ALK: variants seen among roughly 807,000 people sequenced by gnomAD.
The protein encoded by ALK is ALK receptor tyrosine kinase.
A neutral mutation model predicts 163.1 loss-of-function variants in ALK; 74 were observed. The observed-to-expected ratio is 0.45, with a 90% CI of 0.38 to 0.55. The LOEUF (loss-of-function observed/expected upper bound fraction) is 0.55. Ranked by LOEUF, ALK falls within the 20% of genes least tolerant of loss-of-function variation. The pLI is 0.00. For synonymous variants in ALK, 960 were observed against 843.2 expected (o/e 1.14, Z -2.40); for missense variants, 2,063 against 2,105.3 (o/e 0.98, Z 0.39).
At chr2:29,367,953 G>A (rs987071111) in intron 5 of ALK, among the ~76,000 whole-genome samples, 2 of 152,094 alleles carry the variant, frequency 1.3e-5, no homozygotes, top group East Asian at 3.8e-4. Flanking sequence ...ACTCAGCTTT[G>A]TGTTTATAGT....
At chr2:29,914,040 C>A (rs1261430113) in intron 1 of ALK, among the ~76,000 whole-genome samples, 1 of 152,176 alleles carries the variant, frequency 6.6e-6, no homozygotes, top group African/African-American at 2.4e-5. Flanking sequence ...TCCATCTTAA[C>A]TTTCATATTT....
intron 4 of ALK, among the ~76,000 whole-genome samples, chr2:29,409,000 C>A (rs1398235913): frequency 6.6e-6 from 1 of 152,234 alleles, no homozygotes; most frequent in African/African-American, 2.4e-5. Flanking sequence ...TCTCAATCCA[C>A]ACCTATCTCT....
intron 1 of ALK, among the ~76,000 whole-genome samples, chr2:29,776,417 TGGCAGACGATAGTTTGAAAACAGC>T (rs1411531747): frequency 0.019 from 457 of 24,244 alleles, 3 homozygotes; most frequent in Admixed American, 0.031. Context: ...CAAGAAACAG[TGGCAGACGATAGTTTGAAAACAGC>T]CTTTGGGAGG....
At position 29,222,406 on chromosome 2, in the gene ALK, CG is replaced by C; in HGVS notation, c.3452del (p.Thr1151SerfsTer19). The C allele has an allele frequency of 6.2e-7, 1 of 1,613,754 alleles. No homozygotes were observed. The highest frequency in any genetic ancestry group is 8.5e-7 in the Non-Finnish European group (1 of 1,179,878). ...CCTGTTCAGAGCACACTTCAGGCAG[CG>C]TCTGGGCAGAGAAGGGGAGGGTGGG... ...DPSPLQVAVK[T>X]LPEVCSEQDE... is the part of the protein sequence containing the mutation. On this transcript the variant is annotated frameshift_variant and splice_region_variant, in exon 22 of 29. Coordinates refer to ENST00000389048, the MANE Select transcript of ALK (RefSeq NM_004304.5). LOFTEE classifies it high-confidence loss of function.
chr2:29,585,492 ATTT>A (rs900176965), intron 3 of ALK, among the ~76,000 whole-genome samples: 1 of 151,830 alleles, frequency 6.6e-6, no homozygotes, highest in Non-Finnish European at 1.5e-5. Flanking sequence ...ACACCTGGCT[ATTT>A]TTTTATATTT....
intron 2 of ALK, among the ~76,000 whole-genome samples, chr2:29,714,019 T>A (rs894528456): frequency 6.6e-6 from 1 of 152,100 alleles, no homozygotes; most frequent in Admixed American, 6.5e-5. Flanking sequence ...TGATCAAAAC[T>A]GCCTTTCAAA....
At chr2:29,570,162 T>C (rs1674318045) in intron 3 of ALK, among the ~76,000 whole-genome samples, 1 of 152,206 alleles carries the variant, frequency 6.6e-6, no homozygotes, top group Admixed American at 6.5e-5. Context: ...TAGGGCATGC[T>C]AAGAGCTGCA....
chr2:29,905,037 G>T (rs1667503153), intron 1 of ALK, among the ~76,000 whole-genome samples: 11 of 152,168 alleles, frequency 7.2e-5, no homozygotes, highest in Admixed American at 7.2e-4. Flanking sequence ...AAAATACTTT[G>T]CATCTGATAA....
At chr2:29,270,888 C>A (rs1276135244) in intron 11 of ALK, among the ~76,000 whole-genome samples, 1 of 152,218 alleles carries the variant, frequency 6.6e-6, no homozygotes, top group Non-Finnish European at 1.5e-5. Context: ...GGACCTCCCA[C>A]CTTCAAGGCT....
intron 4 of ALK, among the ~76,000 whole-genome samples, chr2:29,410,777 G>A (rs1669707504): frequency 6.6e-6 from 1 of 152,208 alleles, no homozygotes; most frequent in African/African-American, 2.4e-5. Context: ...TTGGAGGAGT[G>A]GAAGTTGGTG....
chr2:29,606,320 A>G (rs1675541058), intron 3 of ALK, among the ~76,000 whole-genome samples: 1 of 152,212 alleles, frequency 6.6e-6, no homozygotes, highest in Admixed American at 6.5e-5. Context: ...AAACAGTTTT[A>G]TAAAAATGGC....
chr2:29,448,123 TACTG>T (rs1297778615), intron 4 of ALK, among the ~76,000 whole-genome samples: 15 of 152,212 alleles, frequency 9.9e-5, no homozygotes, highest in Non-Finnish European at 2.2e-4. Context: ...AGCTATACCA[TACTG>T]ACTTTTTTTC....
At chr2:29,861,394 A>C (rs1666287175) in intron 1 of ALK, among the ~76,000 whole-genome samples, 1 of 152,212 alleles carries the variant, frequency 6.6e-6, no homozygotes, top group South Asian at 2.1e-4. Flanking sequence ...GAATCAACAG[A>C]TCTTTACTAT....
chr2:29,750,081 C>T (rs1177355492), intron 1 of ALK, among the ~76,000 whole-genome samples: 3 of 152,226 alleles, frequency 2.0e-5, no homozygotes, highest in African/African-American at 7.2e-5. Flanking sequence ...ACAGACAGCA[C>T]ATCCGCCGAG....
At chr2:29,427,821 T>TA (rs1670182728) in intron 4 of ALK, among the ~76,000 whole-genome samples, 3 of 152,148 alleles carry the variant, frequency 2.0e-5, no homozygotes, top group South Asian at 2.1e-4. Context: ...CAGGTATGAA[T>TA]AAAAAATCTT....
chr2:29,857,397 T>C (rs1002144457), intron 1 of ALK, among the ~76,000 whole-genome samples: 4 of 151,932 alleles, frequency 2.6e-5, no homozygotes, highest in African/African-American at 9.7e-5. Context: ...CCAAAAATGT[T>C]GGAAAGAAAA....
chr2:29,501,493 G>C (rs1672176035), intron 4 of ALK, among the ~76,000 whole-genome samples: 1 of 152,074 alleles, frequency 6.6e-6, no homozygotes. Flanking sequence ...CTCTTCCCGT[G>C]GCCTCCTTTC....
chr2:29,306,579 G>T (rs55646674), intron 8 of ALK, among the ~76,000 whole-genome samples: 1 of 152,156 alleles, frequency 6.6e-6, no homozygotes, highest in Non-Finnish European at 1.5e-5. Flanking sequence ...AAATACTTTC[G>T]TGCTGGAGAA....
intron 4 of ALK, among the ~76,000 whole-genome samples, chr2:29,481,669 G>A (rs1470576640): frequency 6.6e-6 from 1 of 152,086 alleles, no homozygotes; most frequent in African/African-American, 2.4e-5. Flanking sequence ...AGTTTTAATG[G>A]TTTTTGAGTT....
Sources: allele counts gnomAD v4.1 joint callset (sites outside exome capture counted in the v4.1 genomes callset), GRCh38; gene constraint gnomAD v4.1.1; transcripts MANE v1.5; gene names NCBI Gene and HGNC (gene_info 2026-07-23, HGNC 2026-07-21).